The following FAM169A variants were observed in gnomAD, a reference collection of about 807,000 sequenced individuals.
FAM169A encodes soluble lamin-associated protein of 75 kDa.
FAM169A carries 24 observed loss-of-function variants against 75.7 expected under a neutral mutation model. The ratio of observed to expected loss-of-function variants is 0.32; its 90% confidence interval spans 0.23 to 0.45. The LOEUF (loss-of-function observed/expected upper bound fraction) is 0.45, where lower values mean the gene tolerates loss of function less well. Among genes scored for constraint, FAM169A ranks in the 20% least tolerant of loss-of-function variants. The pLI is 1.00. For missense variants in FAM169A, 673 were observed against 784.0 expected (o/e 0.86, Z 1.69); for synonymous variants, 271 against 271.0 (o/e 1.00, Z 0.00).
chr5:74,854,292 G>A (rs1749594530), intron 1 of FAM169A, among the ~76,000 whole-genome samples: 1 of 152,050 alleles, frequency 6.6e-6, no homozygotes, highest in African/African-American at 2.4e-5. Context: ...CTACTCAAGA[G>A]GCTGAGGCAG....
intron 1 of FAM169A, among the ~76,000 whole-genome samples, chr5:74,845,001 A>G (rs1749077111): frequency 6.6e-6 from 1 of 152,206 alleles, no homozygotes. Context: ...AAGATCAACT[A>G]AAAGTTACTT....
intron 11 of FAM169A, among the ~76,000 whole-genome samples, chr5:74,795,688 C>T (rs1460852479): frequency 1.3e-5 from 2 of 152,258 alleles, no homozygotes; most frequent in African/African-American, 4.8e-5. Context: ...TTAACTGGTT[C>T]TATAAGGTAG....
intron 1 of FAM169A, among the ~76,000 whole-genome samples, chr5:74,861,003 G>A (rs760325102): frequency 1.5e-4 from 23 of 152,006 alleles, no homozygotes; most frequent in Non-Finnish European, 3.1e-4. Context: ...CAGGCATAGC[G>A]GCGTGCATCT....
intron 10 of FAM169A, 98 bp downstream of exon 10, chr5:74,800,782 T>C: frequency 2.7e-6 from 1 of 365,380 alleles, no homozygotes. Context: ...TAAAATAGTA[T>C]ATATTATATA....
intron 12 of FAM169A, 151 bp from the exon 13 acceptor site, chr5:74,782,159 T>C (rs1745445804): frequency 1.6e-6 from 1 of 617,180 alleles, no homozygotes; most frequent in Non-Finnish European, 2.8e-6. Flanking sequence ...TGTTCTGCTA[T>C]ATGTGTATAT....
At chr5:74,814,311 T>C (rs781449784) in intron 5 of FAM169A, among the ~76,000 whole-genome samples, 1 of 152,150 alleles carries the variant, frequency 6.6e-6, no homozygotes, top group Non-Finnish European at 1.5e-5. Context: ...GTATTATATA[T>C]ATACCATCAC....
intron 11 of FAM169A, 144 bp downstream of exon 11, chr5:74,795,886 C>T (rs1746246523): frequency 1.4e-6 from 1 of 700,814 alleles, no homozygotes; most frequent in South Asian, 2.8e-5. Context: ...AGTACCTGAC[C>T]TTGCTTAATA....
chr5:74,801,992 T>A (rs1179826667), intron 8 of FAM169A, among the ~76,000 whole-genome samples: 1 of 150,152 alleles, frequency 6.7e-6, no homozygotes, highest in African/African-American at 2.5e-5. Context: ...TCCAAAGCTT[T>A]ATTTCCAATG....
rs1745436200 is a variant in FAM169A, at chr5:74,781,996, G to T, written c.1477C>A (p.Pro493Thr). The change falls in exon 13 of 13, where the codon CCT (proline) becomes ACT (threonine). Residue 493 changes from proline (P) to threonine (T), a missense_variant. Around this residue, in one of 3 missense-constraint regions of FAM169A, gnomAD observed 510 missense variants for 550.9 expected, o/e 0.93. Transcript: ENST00000687041. Reference sequence around the variant, plus strand: ...TCATCCATCAACATTTCTGAGTCAGGTATACGTGGGGTCTGAAAATTAAAA... The same window carrying T: ...TCATCCATCAACATTTCTGAGTCAGTTATACGTGGGGTCTGAAAATTAAAA... ...VDAPDKTPRI[P>T]DSEMLMDEGT... is the part of the protein sequence containing the mutation. 6.2e-7 allele frequency: 1 copy of T among 1,605,670 alleles called. No homozygotes were observed. The highest frequency in any genetic ancestry group is 8.5e-7 in the Non-Finnish European group (1 of 1,174,556).
chr5:74,790,639 C>G (rs1288099492), intron 11 of FAM169A, among the ~76,000 whole-genome samples: 1 of 152,178 alleles, frequency 6.6e-6, no homozygotes, highest in East Asian at 1.9e-4. Flanking sequence ...ACACAGCCTC[C>G]TTACCCAGCC....
intron 5 of FAM169A, among the ~76,000 whole-genome samples, chr5:74,830,232 T>G (rs978144871): frequency 5.3e-5 from 8 of 152,166 alleles, no homozygotes; most frequent in Non-Finnish European, 1.2e-4. Context: ...CAACTTGACT[T>G]AAGATTACAG....
chr5:74,804,679 C>T, intron 7 of FAM169A, 74 bp from the exon 8 acceptor site: 1 of 818,690 alleles, frequency 1.2e-6, no homozygotes. Context: ...TACTGATTTT[C>T]CTAAAAGCTC....
intron 1 of FAM169A, among the ~76,000 whole-genome samples, chr5:74,862,790 A>T (rs115507637): frequency 0.016 from 2,394 of 152,314 alleles, 35 homozygotes; most frequent in Non-Finnish European, 0.026. Flanking sequence ...AATTTGCTAA[A>T]TTTGTTCCCA....
At chr5:74,795,219 C>A (rs1746207806) in intron 11 of FAM169A, among the ~76,000 whole-genome samples, 1 of 152,176 alleles carries the variant, frequency 6.6e-6, no homozygotes, top group South Asian at 2.1e-4. Flanking sequence ...GATCACGCCA[C>A]TGCACTCCAG....
chr5:74,857,035 G>A (rs1281266833), intron 1 of FAM169A, among the ~76,000 whole-genome samples: 4 of 150,520 alleles, frequency 2.7e-5, no homozygotes, highest in Admixed American at 1.3e-4. Flanking sequence ...TGTGAATCCC[G>A]GAGCCGGAGG....
rs1296658942 is a variant in FAM169A, at chr5:74,811,843, G to A, written c.670+1997C>T. 2.6e-5 allele frequency among the ~76,000 whole-genome samples: 4 copies of A among 152,310 alleles called. No individual in the cohort carries two copies. The East Asian group carries it at 7.7e-4, about 29-fold the overall frequency. On this transcript the variant is annotated intron_variant, in intron 6 of 12. Transcript: ENST00000687041. ...ATGAATCTCACAAATATAAAGATGA[G>A]TAAAGAAAGCAAACTGTAGAATTCA...
intron 6 of FAM169A, among the ~76,000 whole-genome samples, chr5:74,812,048 A>G (rs932474442): frequency 6.6e-6 from 1 of 152,230 alleles, no homozygotes; most frequent in Non-Finnish European, 1.5e-5. Context: ...GAAGGCTTCG[A>G]CCATATTGGC....
At chr5:74,800,110 A>G (rs1434210945) in intron 10 of FAM169A, 8 of 590,820 alleles carry the variant, frequency 1.4e-5, no homozygotes, top group Non-Finnish European at 2.5e-5. Flanking sequence ...CCAGCGTGAC[A>G]AACTATGGCT....
At chr5:74,834,037 G>C (rs751725698) in intron 5 of FAM169A, among the ~76,000 whole-genome samples, 3 of 152,116 alleles carry the variant, frequency 2.0e-5, no homozygotes, top group Admixed American at 6.6e-5. Flanking sequence ...GCATAAACAG[G>C]CTATGCATTT....
Sources: gnomAD v4.1 joint callset for allele counts (sites outside exome capture counted in the v4.1 genomes callset) on GRCh38, gnomAD v4.1.1 for gene constraint, gnomAD v4.1.1 regional missense constraint, MANE v1.5 for transcripts, NCBI Gene and HGNC (gene_info 2026-07-23, HGNC 2026-07-21) for gene names.